ADGRL2: variants seen among roughly 807,000 people sequenced by gnomAD.
ADGRL2 encodes adhesion G protein-coupled receptor L2, also known as calcium-independent alpha-latrotoxin receptor 2.
A neutral mutation model predicts 157.4 loss-of-function variants in ADGRL2; 44 were observed. The observed-to-expected ratio is 0.28, with a 90% CI of 0.22 to 0.36. The LOEUF is 0.36. Among genes scored for constraint, ADGRL2 ranks in the 10% least tolerant of loss-of-function variants. ADGRL2 has a pLI of 1.00. For missense variants in ADGRL2, 1,510 were observed against 1,768.9 expected (o/e 0.85, Z 2.63); for synonymous variants, 585 against 624.7 (o/e 0.94, Z 0.95).
At chr1:81,710,038 A>G (rs985666208) in intron 1 of ADGRL2, among the ~76,000 whole-genome samples, 8 of 152,308 alleles carry the variant, frequency 5.3e-5, no homozygotes, top group Admixed American at 2.6e-4. Context: ...CTGTTTTGGA[A>G]ATAGGCGTTA....
At chr1:81,739,381 A>G (rs1170065926) in intron 1 of ADGRL2, among the ~76,000 whole-genome samples, 1 of 152,248 alleles carries the variant, frequency 6.6e-6, no homozygotes, top group African/African-American at 2.4e-5. Flanking sequence ...ACCAGCATAT[A>G]GTAATTGCCC....
At chr1:81,911,876 ATTTT>A (rs543340647) in intron 3 of ADGRL2, among the ~76,000 whole-genome samples, 5 of 120,734 alleles carry the variant, frequency 4.1e-5, no homozygotes, top group Admixed American at 8.6e-5. Flanking sequence ...CCTGCCTCCC[ATTTT>A]TTTTTTTTTT....
rs554451818 is a variant in ADGRL2, at chr1:81,950,032, G to A, written c.1211-157G>A. The stretch of plus-strand genomic sequence containing the variant: ...AACAGATGAAAAGATGTATTCTTAC[G>A]AGCGATATTGTCAGTAATTCTCATT... On this transcript the variant is annotated intron_variant, in intron 6 of 23. Transcript: ENST00000686636. 5.3e-5 allele frequency among the ~76,000 whole-genome samples: 8 copies of A among 152,190 alleles called. 1 individual carries two copies. The highest frequency in any genetic ancestry group is 1.9e-4 in the African/African-American group (8 of 41,496).
chr1:81,870,800 T>C (rs2093670771), intron 2 of ADGRL2, among the ~76,000 whole-genome samples: 1 of 152,098 alleles, frequency 6.6e-6, no homozygotes, highest in Non-Finnish European at 1.5e-5. Context: ...GTTCTCTATT[T>C]TTCTGTTCAT....
intron 11 of ADGRL2, among the ~76,000 whole-genome samples, chr1:81,964,967 T>G (rs1365315370): frequency 6.6e-6 from 1 of 152,158 alleles, no homozygotes; most frequent in Non-Finnish European, 1.5e-5. Flanking sequence ...TCTAAATGAA[T>G]GTTAATGTAA....
intron 1 of ADGRL2, among the ~76,000 whole-genome samples, chr1:81,406,254 A>T (rs1051145351): frequency 1.3e-5 from 2 of 152,158 alleles, no homozygotes; most frequent in Non-Finnish European, 2.9e-5. Context: ...TAGAATTTTC[A>T]CCTTTCAAAT....
intron 1 of ADGRL2, among the ~76,000 whole-genome samples, chr1:81,815,425 A>C (rs886089970): frequency 6.6e-6 from 1 of 151,832 alleles, no homozygotes; most frequent in Non-Finnish European, 1.5e-5. Context: ...TGTACTTTTG[A>C]AAGTATTTGA....
chr1:81,870,406 A>C (rs6693710), intron 2 of ADGRL2, among the ~76,000 whole-genome samples: 131,132 of 151,966 alleles, frequency 0.86, 56,750 homozygotes, highest in East Asian at 0.96. Context: ...TACATGGGAA[A>C]AAAATATGAA....
chr1:81,532,976 T>TATC (rs2079642099), intron 2 of ADGRL2, among the ~76,000 whole-genome samples: 3 of 140,008 alleles, frequency 2.1e-5, no homozygotes, highest in East Asian at 2.6e-4. Flanking sequence ...ATCTATCATC[T>TATC]ATCTATCTAT....
In ADGRL2 at chr1:81,354,802, A is replaced by G. The variant is rs1663159978; in HGVS notation, c.-302+48293A>G. On this transcript the variant is annotated intron_variant, in intron 1 of 24. Coordinates refer to the ADGRL2 transcript ENST00000370721. ...TATATGCCTGTATTCCTCGCTGTCA[A>G]CTAGTCCCATGCCTTTTACCAAATA... Among the ~76,000 whole-genome samples, 3 of 152,220 alleles carry G rather than the reference A, an allele frequency of 2.0e-5. No individual in the cohort carries two copies. In the South Asian group the frequency reaches 6.2e-4, roughly 31 times the overall value.
Position 81,404,095 on chromosome 1 carries a change from C to A in ADGRL2, c.-301-40941C>A, listed in dbSNP as rs61774026. On this transcript the variant is annotated intron_variant, in intron 1 of 24. Coordinates refer to the ADGRL2 transcript ENST00000370721. ...ACAGGCGTGAGCCACCTCACCCGGGCGTCTTTGATTTTTATCAGAAGATCT... is the reference window on the plus strand; with the variant it reads ...ACAGGCGTGAGCCACCTCACCCGGGAGTCTTTGATTTTTATCAGAAGATCT... Among the ~76,000 whole-genome samples the A allele has an allele frequency of 6.8e-3, 1,033 of 152,172 alleles. 5 individuals carry two copies. The highest frequency in any genetic ancestry group is 0.01 in the Non-Finnish European group (698 of 68,002).
intron 2 of ADGRL2, among the ~76,000 whole-genome samples, chr1:81,886,742 A>G (rs1373977193): frequency 2.0e-5 from 3 of 152,222 alleles, no homozygotes; most frequent in Non-Finnish European, 4.4e-5. Context: ...TCAAATAAAA[A>G]TAATTTTAAA....
chr1:81,420,031 T>G lies in ADGRL2; in HGVS notation c.-301-25005T>G, dbSNP rs118047200. The stretch of plus-strand genomic sequence containing the variant: ...GAAAGTTGATAATCTTTCTTTTCCT[T>G]GCAAATCCTAATTTACAGATGTTAG... On this transcript the variant is annotated intron_variant, in intron 1 of 24. Coordinates refer to the ADGRL2 transcript ENST00000370721. 5.7e-3 allele frequency among the ~76,000 whole-genome samples: 863 copies of G among 152,298 alleles called. 13 individuals are homozygous for G. Among genetic ancestry groups the G allele is most frequent in the East Asian group, 0.053 (277 of 5,186 alleles).
intron 1 of ADGRL2, chr1:81,426,701 T>A: frequency 2.1e-6 from 1 of 473,026 alleles, no homozygotes; most frequent in Non-Finnish European, 4.1e-6. Context: ...TTTTGTGACT[T>A]ACTCTTGTGT....
intron 2 of ADGRL2, among the ~76,000 whole-genome samples, chr1:81,765,900 G>C (rs1450826541): frequency 6.6e-6 from 1 of 151,980 alleles, no homozygotes; most frequent in Non-Finnish European, 1.5e-5. Context: ...TCAATTTTTA[G>C]GTCAGACAAT....
At chr1:81,733,501 C>T (rs539031934) in intron 1 of ADGRL2, among the ~76,000 whole-genome samples, 1 of 152,148 alleles carries the variant, frequency 6.6e-6, no homozygotes, top group Non-Finnish European at 1.5e-5. Flanking sequence ...CCAGTGTGTC[C>T]TAATTCCTCT....
At chr1:81,352,330 C>A (rs1407662217) in intron 1 of ADGRL2, among the ~76,000 whole-genome samples, 1 of 152,206 alleles carries the variant, frequency 6.6e-6, no homozygotes, top group East Asian at 1.9e-4. Context: ...TGTTTATTTA[C>A]CTCTGAGGAA....
chr1:81,558,768 T>A (rs770193150), intron 2 of ADGRL2, among the ~76,000 whole-genome samples: 1 of 152,190 alleles, frequency 6.6e-6, no homozygotes, highest in Non-Finnish European at 1.5e-5. Flanking sequence ...CCCCTTGATA[T>A]CTTTAAATTC....
At chr1:81,913,943 G>T (rs1406479236) in intron 3 of ADGRL2, among the ~76,000 whole-genome samples, 1 of 151,766 alleles carries the variant, frequency 6.6e-6, no homozygotes, top group African/African-American at 2.4e-5. Flanking sequence ...TATACTAATA[G>T]ATACTAATTT....
Sources: allele counts gnomAD v4.1 joint callset (sites outside exome capture counted in the v4.1 genomes callset), GRCh38; gene constraint gnomAD v4.1.1; transcripts MANE v1.5; gene names NCBI Gene and HGNC (gene_info 2026-07-23, HGNC 2026-07-21).